Variants in KLHL1 observed in about 807,000 individuals in gnomAD.
KLHL1 encodes the protein kelch-like protein 1.
A neutral mutation model predicts 77.7 loss-of-function variants in KLHL1; 47 were observed. The observed-to-expected ratio is 0.60, with a 90% confidence interval of 0.48 to 0.77. KLHL1 has a LOEUF of 0.77. KLHL1 is among the 30% of genes least tolerant of loss of function. KLHL1 has a pLI of 0.00. For missense variants in KLHL1, 925 were observed against 910.8 expected (o/e 1.02, Z -0.20); for synonymous variants, 360 against 325.2 (o/e 1.11, Z -1.15).
chr13:70,012,645 T>C (rs1885562848), intron 1 of KLHL1, among the ~76,000 whole-genome samples: 1 of 152,162 alleles, frequency 6.6e-6, no homozygotes, highest in South Asian at 2.1e-4. Context: ...GCACTGTGGC[T>C]CATGCCTGTA....
intron 4 of KLHL1, among the ~76,000 whole-genome samples, chr13:69,934,960 GTGTATATATATATATATATATATATATA>G (rs1330593588): frequency 5.4e-5 from 4 of 73,896 alleles, no homozygotes; most frequent in African/African-American, 1.1e-4. Context: ...GTGTGTGCAT[GTGTATATATATATATATATATATATATA>G]TGTATATATA....
intron 5 of KLHL1, among the ~76,000 whole-genome samples, chr13:69,855,922 ATAT>A (rs1439116177): frequency 7.1e-6 from 1 of 139,996 alleles, no homozygotes; most frequent in African/African-American, 2.8e-5. Flanking sequence ...ATGTTATAAC[ATAT>A]TAATATGCAT....
chr13:69,897,726 A>G (rs76989650), intron 4 of KLHL1, among the ~76,000 whole-genome samples: 3,456 of 152,176 alleles, frequency 0.023, 57 homozygotes, highest in Non-Finnish European at 0.036. Flanking sequence ...AACAGGTTTG[A>G]CCCACCCATG....
chr13:69,882,269 T>A lies in KLHL1; in HGVS notation c.1227+14A>T. ...GTACATTGAATCTATTTAAACAGCG[T>A]CACACATCATTACCTGTGGTGGAAG... On this transcript the variant is annotated intron_variant, in intron 5 of 10. Coordinates refer to ENST00000377844, the MANE Select transcript of KLHL1 (RefSeq NM_020866.3). The A allele has an allele frequency of 1.3e-6, 2 of 1,573,652 alleles. No homozygotes were observed. Among genetic ancestry groups the A allele is most frequent in the Non-Finnish European group, 1.7e-6 (2 of 1,143,302 alleles).
At chr13:69,873,116 C>T (rs943893790) in intron 5 of KLHL1, among the ~76,000 whole-genome samples, 1 of 152,118 alleles carries the variant, frequency 6.6e-6, no homozygotes, top group Non-Finnish European at 1.5e-5. Context: ...CCAAATTCCT[C>T]CTTGCCGGAA....
intron 7 of KLHL1, among the ~76,000 whole-genome samples, chr13:69,792,029 G>A (rs911686299): frequency 6.6e-6 from 1 of 152,106 alleles, no homozygotes; most frequent in Non-Finnish European, 1.5e-5. Context: ...ATACCTAGGC[G>A]ATGGGTTGAT....
chr13:69,839,664 T>C (rs959363582), intron 5 of KLHL1, among the ~76,000 whole-genome samples: 1 of 151,936 alleles, frequency 6.6e-6, no homozygotes, highest in Non-Finnish European at 1.5e-5. Context: ...TCATAACATC[T>C]CTTTAATTAT....
chr13:69,765,063 T>A (rs141019299), intron 7 of KLHL1, among the ~76,000 whole-genome samples: 91 of 147,990 alleles, frequency 6.1e-4, no homozygotes, highest in African/African-American at 2.1e-3. Context: ...GTGATTCTCC[T>A]GCCTTAAACT....
At chr13:69,782,105 G>A (rs1387196699) in intron 7 of KLHL1, among the ~76,000 whole-genome samples, 2 of 152,086 alleles carry the variant, frequency 1.3e-5, no homozygotes, top group Non-Finnish European at 2.9e-5. Flanking sequence ...AAATAAATTT[G>A]TGTTCTTTTT....
chr13:69,916,674 G>A (rs1593946943), intron 4 of KLHL1, among the ~76,000 whole-genome samples: 1 of 151,784 alleles, frequency 6.6e-6, no homozygotes, highest in East Asian at 1.9e-4. Context: ...ACACCAGCAT[G>A]GTACATGTAT....
chr13:69,813,538 A>G (rs979373269), intron 6 of KLHL1, among the ~76,000 whole-genome samples: 3 of 151,980 alleles, frequency 2.0e-5, no homozygotes, highest in African/African-American at 7.3e-5. Flanking sequence ...GACTTGATAA[A>G]CAACTGTGGC....
chr13:69,944,533 A>C (rs1883458659), intron 3 of KLHL1, among the ~76,000 whole-genome samples: 4 of 152,168 alleles, frequency 2.6e-5, no homozygotes, highest in African/African-American at 9.7e-5. Context: ...AGTCTTGGGG[A>C]TCACCCAACA....
At chr13:69,981,642 T>TA (rs1182119179) in intron 1 of KLHL1, among the ~76,000 whole-genome samples, 1 of 152,030 alleles carries the variant, frequency 6.6e-6, no homozygotes, top group Non-Finnish European at 1.5e-5. Context: ...TTTTAATTTT[T>TA]AAAAAATATT....
chr13:69,799,112 A>G (rs1877262129), intron 6 of KLHL1, among the ~76,000 whole-genome samples: 1 of 151,714 alleles, frequency 6.6e-6, no homozygotes, highest in South Asian at 2.1e-4. Flanking sequence ...AAAAAGGTTT[A>G]CACAGATATC....
chr13:69,742,308 G>A (rs938223384), intron 7 of KLHL1, among the ~76,000 whole-genome samples: 8 of 152,082 alleles, frequency 5.3e-5, no homozygotes, highest in Non-Finnish European at 1.2e-4. Flanking sequence ...CTATCTCTCT[G>A]TTCTTAGTCT....
intron 9 of KLHL1, among the ~76,000 whole-genome samples, chr13:69,712,528 C>G (rs1330817549): frequency 2.0e-5 from 3 of 151,864 alleles, no homozygotes; most frequent in Non-Finnish European, 4.4e-5. Context: ...AAATCTATTC[C>G]ATTTGTCTAT....
chr13:69,958,393 A>G (rs893471920), intron 3 of KLHL1, among the ~76,000 whole-genome samples: 1 of 151,812 alleles, frequency 6.6e-6, no homozygotes, highest in Non-Finnish European at 1.5e-5. Flanking sequence ...TGTTTCCCAT[A>G]TCTTAATATG....
chr13:69,944,231 C>T (rs573646208), intron 3 of KLHL1, among the ~76,000 whole-genome samples: 15 of 152,126 alleles, frequency 9.9e-5, no homozygotes, highest in Non-Finnish European at 1.9e-4. Context: ...CAGGCCTATG[C>T]GATCAACACC....
intron 1 of KLHL1, among the ~76,000 whole-genome samples, chr13:70,056,353 A>G (rs1182292306): frequency 1.3e-5 from 2 of 152,182 alleles, no homozygotes; most frequent in Non-Finnish European, 2.9e-5. Context: ...ATATTATTAG[A>G]GCTAAAGAAA....
Sources: allele counts gnomAD v4.1 joint callset (sites outside exome capture counted in the v4.1 genomes callset), GRCh38; gene constraint gnomAD v4.1.1; transcripts MANE v1.5; gene names NCBI Gene and HGNC (gene_info 2026-07-23, HGNC 2026-07-21).